IL4I1: variants seen among roughly 807,000 people sequenced by gnomAD.
IL4I1 encodes interleukin 4 induced 1, also known as L-amino-acid oxidase.
Under a neutral mutation model 29.7 loss-of-function variants are expected in IL4I1, and 24 were observed. The observed-to-expected ratio is 0.81, with a 90% CI of 0.59 to 1.14. IL4I1 has a LOEUF of 1.14. Among genes scored for constraint, IL4I1 ranks in the 50% most tolerant of loss-of-function variants. The probability of loss-of-function intolerance (pLI) is 0.00; values close to 1 mark genes in which losing one functional copy is unlikely to be tolerated. For missense variants in IL4I1, 686 were observed against 785.6 expected, an observed-to-expected ratio of 0.87 and a Z score of 1.52; for synonymous variants, 371 against 352.5, an observed-to-expected ratio of 1.05 and a Z score of -0.59.
chr19:49,913,592 C>T (rs764230128), intron 2 of IL4I1, among the ~76,000 whole-genome samples: 14 of 152,244 alleles, frequency 9.2e-5, no homozygotes, highest in East Asian at 1.9e-4. Flanking sequence ...GCACTGTCCG[C>T]GGGACTCTCT....
rs200755676 is a variant in IL4I1, at chr19:49,909,347, G to A, written c.-227-5026C>T. ...ACCAGTGAATGAGAAGCCTCCAGAT[G>A]TGGTAGCTGGAGCCACAGAGGTGGT... On this transcript the variant is annotated intron_variant, in intron 2 of 9. Transcript: ENST00000341114. 1.9e-6 allele frequency: 3 copies of A among 1,613,696 alleles called. No homozygotes were observed. Among genetic ancestry groups the A allele is most frequent in the Non-Finnish European group, 2.5e-6 (3 of 1,179,998 alleles).
At chr19:49,891,372 C>T (rs556853223) in intron 6 of IL4I1, 33 bp downstream of exon 6, 31 of 1,607,940 alleles carry the variant, frequency 1.9e-5, no homozygotes, top group Non-Finnish European at 2.6e-5. Context: ...TCTCTTTGCC[C>T]TGCATCTCAG....
rs181524051 is a variant in IL4I1 at position 49,917,448 on chromosome 19, T to C, written c.-228+10246A>G. On this transcript the variant is annotated intron_variant, in intron 2 of 9. Transcript: ENST00000341114. ...TTGAATAACAGATCAGCTCCAAGTC[T>C]GCCCTTCAAGAACTGAAGTCAACTG... 2.6e-4 allele frequency among the ~76,000 whole-genome samples: 39 copies of C among 152,374 alleles called. No homozygotes were observed. In the East Asian group the frequency reaches 7.1e-3, roughly 28 times the overall value.
intron 2 of IL4I1, among the ~76,000 whole-genome samples, chr19:49,917,266 T>C (rs144860638): frequency 4.1e-4 from 62 of 152,312 alleles, no homozygotes; most frequent in African/African-American, 1.4e-3. Context: ...CTTCCCTCAC[T>C]TGCCCTCCCG....
chr19:49,893,218 T>C (rs1259236002), intron 5 of IL4I1, among the ~76,000 whole-genome samples: 1 of 151,582 alleles, frequency 6.6e-6, no homozygotes, highest in Non-Finnish European at 1.5e-5. Flanking sequence ...TCACTCTGGG[T>C]GTGTGGGAAG....
In IL4I1 at chr19:49,890,430, G is replaced by T; in HGVS notation, c.944C>A (p.Ala315Asp). The T allele has an allele frequency of 6.2e-7, 1 of 1,610,652 alleles. No homozygotes were observed. The change falls in exon 8 of 8, where the codon GCC becomes GAC. Residue 315 changes from alanine (A) to aspartate (D), a missense_variant. Transcript: ENST00000391826. ...PPARNLKVLK[A>D]DVVLLTASGP... ...GCTCGCCGTCAGCAGCACCACGTCGGCCTTCAGCACCTTCAGATTCCGCGC... is the reference window on the plus strand; with the variant it reads ...GCTCGCCGTCAGCAGCACCACGTCGTCCTTCAGCACCTTCAGATTCCGCGC...
At chr19:49,909,990 G>C (rs903029029) in intron 2 of IL4I1, 1 of 700,616 alleles carries the variant, frequency 1.4e-6, no homozygotes, top group African/African-American at 1.8e-5. Flanking sequence ...GGATAATGAT[G>C]CATGCTGTGT....
chr19:49,920,941 G>A (rs1158790810), intron 2 of IL4I1, among the ~76,000 whole-genome samples: 2 of 152,280 alleles, frequency 1.3e-5, no homozygotes, highest in East Asian at 3.9e-4. Context: ...AGGAGGGAAG[G>A]GCCCAGGCCG....
upstream of IL4I1, chr19:49,901,691 C>G (rs142408116): frequency 7.2e-5 from 111 of 1,537,588 alleles, no homozygotes; most frequent in East Asian, 2.7e-3. Context: ...TTATGGTTAG[C>G]CCAGGACAGA....
chr19:49,895,698 T>TGCCCCCCCAAC, intron 3 of IL4I1, 117 bp downstream of exon 3: 1 of 705,416 alleles, frequency 1.4e-6, no homozygotes, highest in African/African-American at 1.8e-5. Flanking sequence ...AGATAGCCTC[T>TGCCCCCCCAAC]CCCCCCACAT....
Position 49,905,775 on chromosome 19 carries a change from G to A in IL4I1, c.-227-1454C>T, listed in dbSNP as rs149242339. On this transcript the variant is annotated intron_variant, in intron 2 of 9. Transcript: ENST00000341114. ...CTTAACTAGCCACCAGCTCATGTTT[G>A]TATTTTTGGTAGAGATGGGATTTCT... Among the ~76,000 whole-genome samples, 914 of 152,258 alleles carry A rather than the reference G, an allele frequency of 6.0e-3. 8 individuals carry two copies. The highest frequency in any genetic ancestry group is 0.021 in the African/African-American group (871 of 41,534).
intron 2 of IL4I1, among the ~76,000 whole-genome samples, chr19:49,912,117 T>C (rs550928997): frequency 1.3e-5 from 2 of 151,010 alleles, no homozygotes; most frequent in South Asian, 2.1e-4. Flanking sequence ...ATGAAAAAAC[T>C]ACAAGGAAAA....
intron 2 of IL4I1, among the ~76,000 whole-genome samples, chr19:49,910,624 G>C (rs990199818): frequency 6.6e-6 from 1 of 151,646 alleles, no homozygotes; most frequent in Non-Finnish European, 1.5e-5. Context: ...GTGTGGTGTG[G>C]AGGATTGCAC....
At chr19:49,909,938 G>A (rs759139761) in intron 2 of IL4I1, 7 of 932,666 alleles carry the variant, frequency 7.5e-6, no homozygotes, top group African/African-American at 3.3e-5. Flanking sequence ...GGCAAGCTCA[G>A]TGGCATGACT....
intron 5 of IL4I1, 130 bp from the exon 6 acceptor site, chr19:49,891,603 T>C: frequency 2.6e-6 from 2 of 761,816 alleles, no homozygotes; most frequent in Admixed American, 2.1e-5. Context: ...CTCAAGCCCC[T>C]GGGCTTTTGC....
chr19:49,893,815 C>T (rs1018474897), intron 5 of IL4I1, among the ~76,000 whole-genome samples: 7 of 151,474 alleles, frequency 4.6e-5, no homozygotes, highest in Non-Finnish European at 7.4e-5. Context: ...GGTGAAACCC[C>T]GTCTCTATTA....
At chr19:49,898,320 C>T (rs557771620), upstream of IL4I1, among the ~76,000 whole-genome samples, 32 of 151,674 alleles carry the variant, frequency 2.1e-4, no homozygotes, top group African/African-American at 7.3e-4. Flanking sequence ...GACTCCATCT[C>T]AAAAAATAAA....
At chr19:49,919,933 T>A (rs536569616) in intron 2 of IL4I1, among the ~76,000 whole-genome samples, 45 of 150,632 alleles carry the variant, frequency 3.0e-4, no homozygotes, top group Admixed American at 7.9e-4. Context: ...TAAAAAAAAA[T>A]TTTTTTTTTT....
rs1209482115 is a variant in IL4I1 at position 49,891,084 on chromosome 19, G to A, written c.660C>T (p.Asn220=). Residue 220 remains asparagine, a synonymous_variant, in exon 7 of 8, where the codon AAC becomes AAT. Transcript: ENST00000391826. ...TLLEYLLGEG[N]LSRPAVQLLG... ...GAAGCTGCACGGCCGGCCGGCTCAG[G>A]TTCCCCTCCCCGAGAAGATATTCCT... The A allele has an allele frequency of 1.9e-6, 3 of 1,613,214 alleles. No homozygotes were observed. The highest frequency in any genetic ancestry group is 2.5e-6 in the Non-Finnish European group (3 of 1,179,868).
Sources: allele counts gnomAD v4.1 joint callset (sites outside exome capture counted in the v4.1 genomes callset), GRCh38; gene constraint gnomAD v4.1.1; transcripts MANE v1.5; gene names NCBI Gene and HGNC (gene_info 2026-07-23, HGNC 2026-07-21).